Variants in CPLX2 observed in about 807,000 individuals in gnomAD.
CPLX2 encodes complexin 2.
In CPLX2, 5 loss-of-function variants were observed where a neutral mutation model predicts 16.3. The ratio of observed to expected loss-of-function variants is 0.31; its 90% CI spans 0.16 to 0.64. The LOEUF (loss-of-function observed/expected upper bound fraction) is 0.64, where lower values mean the gene tolerates loss of function less well. CPLX2 is among the 30% of genes least tolerant of loss of function. The pLI, the probability that CPLX2 is intolerant of heterozygous loss-of-function variation, is 0.79. For missense variants in CPLX2, 144 were observed against 181.4 expected (o/e 0.79, Z 1.18); for synonymous variants, 89 against 73.2 (o/e 1.22, Z -1.10).
intron 2 of CPLX2, among the ~76,000 whole-genome samples, chr5:175,843,849 G>C (rs576942656): frequency 6.6e-6 from 1 of 152,346 alleles, no homozygotes; most frequent in East Asian, 1.9e-4. Flanking sequence ...CCCCGGGCCA[G>C]GTGGCTGGGC....
chr5:175,819,835 C>T (rs187689873), intron 2 of CPLX2, among the ~76,000 whole-genome samples: 34 of 152,286 alleles, frequency 2.2e-4, no homozygotes, highest in African/African-American at 7.0e-4. Context: ...ACAGAGGGTG[C>T]GGAGAGGACA....
chr5:175,839,139 C>T (rs964655746), intron 2 of CPLX2, among the ~76,000 whole-genome samples: 4 of 152,214 alleles, frequency 2.6e-5, no homozygotes, highest in Admixed American at 1.3e-4. Context: ...CTCAAGCATT[C>T]TTCCCACCTT....
chr5:175,873,097 A>ACCC (rs1759673002), intron 1 of CPLX2: 1 of 15,128 alleles, frequency 6.6e-5, no homozygotes, highest in Admixed American at 8.3e-4. Context: ...TCCCCCACCC[A>ACCC]CCCCCACTCC....
At chr5:175,798,312 T>A (rs1167815085) in intron 1 of CPLX2, among the ~76,000 whole-genome samples, 1 of 152,168 alleles carries the variant, frequency 6.6e-6, no homozygotes, top group Non-Finnish European at 1.5e-5. Context: ...AAATGGTAGA[T>A]CCCATGACTG....
chr5:175,797,738 T>C (rs1217324739), intron 1 of CPLX2, among the ~76,000 whole-genome samples: 1 of 151,840 alleles, frequency 6.6e-6, no homozygotes, highest in African/African-American at 2.4e-5. Context: ...TCCAGAGAAA[T>C]CCCAGACGGC....
intron 2 of CPLX2, among the ~76,000 whole-genome samples, chr5:175,825,472 T>C (rs2113650629): frequency 6.6e-6 from 1 of 152,258 alleles, no homozygotes; most frequent in African/African-American, 2.4e-5. Flanking sequence ...TATTCCCTCC[T>C]TTTCTAGTGA....
chr5:175,810,279 G>A (rs369494230), intron 2 of CPLX2, among the ~76,000 whole-genome samples: 3 of 151,002 alleles, frequency 2.0e-5, no homozygotes, highest in South Asian at 4.2e-4. Context: ...AGAGTGGGGA[G>A]GGACTGGCCC....
chr5:175,814,964 C>T (rs1421934458), intron 2 of CPLX2, among the ~76,000 whole-genome samples: 2 of 152,080 alleles, frequency 1.3e-5, no homozygotes, highest in African/African-American at 4.8e-5. Flanking sequence ...CGAGATTGAA[C>T]GTGAGGGAGG....
chr5:175,880,304 G>A lies in CPLX2; in HGVS notation c.*259G>A. The A allele has an allele frequency of 1.8e-6, 1 of 545,614 alleles. No homozygotes were observed. The highest frequency in any genetic ancestry group is 3.3e-6 in the Non-Finnish European group (1 of 298,676). The allele number at this position is 545,614 out of a possible 1,614,324, so 33.8% of individuals were successfully genotyped here. A position where few individuals can be genotyped will look rare whatever the true frequency, so the allele number is the denominator to read the frequency against. On this transcript the variant is annotated 3_prime_UTR_variant, in exon 4 of 4. Coordinates refer to ENST00000393745, the MANE Select transcript of CPLX2 (RefSeq NM_001008220.2). ...CAGCAGGGGTCAGGGGGGCCCCTCA[G>A]GAAGCCTAAGGTCGTGCTAGTGTGG...
chr5:175,866,111 T>A (rs1759471686), intron 2 of CPLX2, among the ~76,000 whole-genome samples: 1 of 152,198 alleles, frequency 6.6e-6, no homozygotes, highest in Admixed American at 6.5e-5. Flanking sequence ...CCAAGCGTCC[T>A]GAGGGTGGAC....
At chr5:175,815,247 C>T (rs146427014) in intron 2 of CPLX2, among the ~76,000 whole-genome samples, 1 of 152,264 alleles carries the variant, frequency 6.6e-6, no homozygotes, top group African/African-American at 2.4e-5. Context: ...GGGCTGGGGG[C>T]CCTAGGGGAA....
intron 2 of CPLX2, among the ~76,000 whole-genome samples, chr5:175,819,395 C>T (rs371031890): frequency 6.6e-6 from 1 of 152,312 alleles, no homozygotes; most frequent in South Asian, 2.1e-4. Context: ...GAGCTCCAAA[C>T]CCTCACCAAC....
intron 2 of CPLX2, among the ~76,000 whole-genome samples, chr5:175,826,681 T>C (rs900381082): frequency 6.6e-6 from 1 of 152,066 alleles, no homozygotes; most frequent in Non-Finnish European, 1.5e-5. Flanking sequence ...TACTGGCCCC[T>C]CTACCCTGCT....
chr5:175,800,528 C>A (rs1758073443), intron 1 of CPLX2, among the ~76,000 whole-genome samples: 1 of 151,488 alleles, frequency 6.6e-6, no homozygotes. Flanking sequence ...AGTGTGATTG[C>A]AGTCCAGACA....
intron 2 of CPLX2, among the ~76,000 whole-genome samples, chr5:175,854,439 G>C (rs1415304809): frequency 6.6e-6 from 1 of 152,108 alleles, no homozygotes; most frequent in Non-Finnish European, 1.5e-5. Flanking sequence ...AATAGTCCAC[G>C]CAACCTTTCT....
At chr5:175,879,251 A>C (rs4077872) in intron 3 of CPLX2, among the ~76,000 whole-genome samples, 168 bp downstream of exon 3, 1 of 152,180 alleles carries the variant, frequency 6.6e-6, no homozygotes, top group African/African-American at 2.4e-5. Flanking sequence ...ACCTCCCTCA[A>C]GGGATCCTTT....
intron 1 of CPLX2, among the ~76,000 whole-genome samples, chr5:175,806,699 A>T: frequency 6.8e-6 from 1 of 147,990 alleles, no homozygotes; most frequent in Non-Finnish European, 1.5e-5. Context: ...GGGTTTCTCC[A>T]TGTTGGTCAG....
rs912513052 is a variant in CPLX2 at position 175,881,941 on chromosome 5, ATG to A, written c.*1900_*1901del. The A allele has an allele frequency of 1.3e-5, 2 of 152,678 alleles. No individual in the cohort carries two copies. The highest frequency in any genetic ancestry group is 4.8e-5 in the African/African-American group (2 of 41,450). The allele number at this position is 152,678 out of a possible 1,614,324, so 9.5% of individuals were successfully genotyped here. A position where few individuals can be genotyped will look rare whatever the true frequency, so the allele number is the denominator to read the frequency against. ...TTCTGCTTTTATTTCAGAGACAGAC[ATG>A]TGTCTTCTCTGTCCGTTTCCAATAG... On this transcript the variant is annotated 3_prime_UTR_variant, in exon 4 of 4. Transcript: ENST00000393745.
At position 175,845,666 on chromosome 5, in the gene CPLX2, C is replaced by T. The variant is rs1759029524; in HGVS notation, c.-88-32986C>T. Among the ~76,000 whole-genome samples, 1 of 152,292 alleles carries T rather than the reference C, an allele frequency of 6.6e-6. No individual in the cohort carries two copies. Among genetic ancestry groups the T allele is most frequent in the Middle Eastern group, 3.4e-3 (1 of 294 alleles). On this transcript the variant is annotated intron_variant, in intron 2 of 4. Transcript: ENST00000359546. The surrounding 1 kb of genome is among the most constrained non-coding windows in gnomAD (Gnocchi z 4.0). ...ACTGTGAGTCTCTTAAGGGCGGGGA[C>T]TCATTGGTGCTGGTTCCACGGGCCT...
Sources: allele counts gnomAD v4.1 joint callset (sites outside exome capture counted in the v4.1 genomes callset), GRCh38; gene constraint gnomAD v4.1.1; non-coding constraint Gnocchi (gnomAD v3.1); transcripts MANE v1.5; gene names NCBI Gene and HGNC (gene_info 2026-07-23, HGNC 2026-07-21).